The following SEMA3A variants were observed in gnomAD, a reference collection of about 807,000 sequenced individuals.
SEMA3A encodes the protein semaphorin-3A.
In SEMA3A, 29 loss-of-function variants were observed where a neutral mutation model predicts 97.9. That is an observed-to-expected ratio of 0.30 (90% CI 0.22 to 0.40). The LOEUF is 0.40. Ranked by LOEUF, SEMA3A falls within the 10% of genes least tolerant of loss-of-function variation. The pLI is 1.00. For missense variants in SEMA3A, 763 were observed against 951.3 expected (o/e 0.80, Z 2.60); for synonymous variants, 321 against 323.7 (o/e 0.99, Z 0.09).
intron 1 of SEMA3A, among the ~76,000 whole-genome samples, chr7:84,434,350 C>G (rs2116325865): frequency 6.6e-6 from 1 of 152,094 alleles, no homozygotes; most frequent in South Asian, 2.1e-4. Context: ...ATATTGAGTT[C>G]CAAAATTGAA....
intron 3 of SEMA3A, among the ~76,000 whole-genome samples, chr7:84,128,498 T>C (rs762363429): frequency 6.6e-6 from 1 of 152,184 alleles, no homozygotes; most frequent in Non-Finnish European, 1.5e-5. Context: ...AGTCACATTT[T>C]GTTAATTAGT....
At chr7:84,403,830 G>C (rs998223808) in intron 1 of SEMA3A, among the ~76,000 whole-genome samples, 1 of 152,084 alleles carries the variant, frequency 6.6e-6, no homozygotes, top group Admixed American at 6.6e-5. Context: ...TGCAGCTGAG[G>C]GTCCTGACTG....
chr7:84,078,236 T>C (rs1794021610), intron 4 of SEMA3A, among the ~76,000 whole-genome samples: 1 of 151,918 alleles, frequency 6.6e-6, no homozygotes, highest in Non-Finnish European at 1.5e-5. Context: ...GTGCATGGAG[T>C]GAATCTAGCC....
At chr7:84,018,546 TG>T (rs776955005) in intron 6 of SEMA3A, among the ~76,000 whole-genome samples, 2 of 152,050 alleles carry the variant, frequency 1.3e-5, no homozygotes, top group Non-Finnish European at 2.9e-5. Context: ...TAGAAAAAAA[TG>T]CCATGGGAGA....
chr7:84,255,799 AT>A (rs59945843), intron 3 of SEMA3A, among the ~76,000 whole-genome samples: 46 of 150,310 alleles, frequency 3.1e-4, no homozygotes, highest in Non-Finnish European at 4.3e-4. Flanking sequence ...CTCGGCACTG[AT>A]TTTTTTTTTC....
At chr7:84,018,929 A>AC (rs1791209176) in intron 6 of SEMA3A, among the ~76,000 whole-genome samples, 1 of 152,124 alleles carries the variant, frequency 6.6e-6, no homozygotes, top group Non-Finnish European at 1.5e-5. Context: ...CAAAAACAAA[A>AC]CAAAAAACAA....
intron 1 of SEMA3A, among the ~76,000 whole-genome samples, chr7:84,163,025 T>C (rs1797089662): frequency 6.6e-6 from 1 of 152,162 alleles, no homozygotes; most frequent in Non-Finnish European, 1.5e-5. Context: ...GTGTAATTGC[T>C]GGTAAGTCAA....
At chr7:84,183,099 T>C (rs570386229) in intron 1 of SEMA3A, among the ~76,000 whole-genome samples, 6 of 152,308 alleles carry the variant, frequency 3.9e-5, no homozygotes, top group East Asian at 3.9e-4. Context: ...ATATCTTCTA[T>C]GTATCAAGCA....
At chr7:84,426,305 TA>T (rs1459610663) in intron 1 of SEMA3A, among the ~76,000 whole-genome samples, 2 of 151,786 alleles carry the variant, frequency 1.3e-5, no homozygotes, top group African/African-American at 4.8e-5. Flanking sequence ...GATAGATAGA[TA>T]GATAGATAGA....
chr7:84,073,503 C>G lies in SEMA3A; in HGVS notation c.454-12945G>C, dbSNP rs186835320. ...TGAAGCTGGAAAATAAATGTGGGGG[C>G]CAAACTGTGGAGAGTTTTCTATGCC... On this transcript the variant is annotated intron_variant, in intron 4 of 16. Coordinates refer to ENST00000265362, the MANE Select transcript of SEMA3A (RefSeq NM_006080.3). Among the ~76,000 whole-genome samples the G allele has an allele frequency of 1.3e-3, 196 of 152,174 alleles. 1 individual carries two copies. Among genetic ancestry groups the G allele is most frequent in the African/African-American group, 4.6e-3 (189 of 41,520 alleles).
chr7:84,186,608 C>T (rs967575231), intron 1 of SEMA3A, among the ~76,000 whole-genome samples: 1 of 152,074 alleles, frequency 6.6e-6, no homozygotes, highest in Non-Finnish European at 1.5e-5. Flanking sequence ...AAATACATTT[C>T]TAAGAGTTTG....
intron 2 of SEMA3A, among the ~76,000 whole-genome samples, chr7:84,322,933 T>C (rs186439636): frequency 7.9e-5 from 12 of 152,182 alleles, no homozygotes; most frequent in African/African-American, 2.7e-4. Flanking sequence ...GTGTATTCAG[T>C]AGAGCCACAC....
rs141061701 is a variant in SEMA3A at position 84,173,230 on chromosome 7, T to C, written c.112+21245A>G. Among the ~76,000 whole-genome samples, 1,088 of 152,264 alleles carry C rather than the reference T, an allele frequency of 7.1e-3. 6 individuals carry two copies. Among genetic ancestry groups the C allele is most frequent in the African/African-American group, 0.019 (782 of 41,544 alleles). ...TATCCTTCCTAATCATTAAAAATAG[T>C]GAGAATCTTCTATTGAACCCTCTGA... On this transcript the variant is annotated intron_variant, in intron 1 of 16. Transcript: ENST00000265362.
chr7:84,108,878 C>G (rs1401794538), intron 4 of SEMA3A, among the ~76,000 whole-genome samples: 1 of 138,706 alleles, frequency 7.2e-6, no homozygotes, highest in Non-Finnish European at 1.5e-5. Flanking sequence ...GCACTCCAGC[C>G]TGGGCAACAG....
chr7:84,092,396 C>T (rs535016095), intron 4 of SEMA3A, among the ~76,000 whole-genome samples: 1 of 152,262 alleles, frequency 6.6e-6, no homozygotes, highest in East Asian at 1.9e-4. Context: ...TGCACTCTCA[C>T]TTTAAAACTC....
At chr7:83,993,316 T>C (rs1452038695) in intron 12 of SEMA3A, among the ~76,000 whole-genome samples, 3 of 146,254 alleles carry the variant, frequency 2.1e-5, no homozygotes, top group Admixed American at 6.9e-5. Context: ...TCCATTTACA[T>C]TTAAAGTTAA....
At chr7:84,333,463 A>G (rs942429235) in intron 2 of SEMA3A, among the ~76,000 whole-genome samples, 1 of 152,134 alleles carries the variant, frequency 6.6e-6, no homozygotes, top group South Asian at 2.1e-4. Context: ...AACTAAAACA[A>G]GCAAAGAAAC....
At chr7:84,402,793 T>C (rs1011246227) in intron 1 of SEMA3A, among the ~76,000 whole-genome samples, 13 of 152,322 alleles carry the variant, frequency 8.5e-5, no homozygotes, top group African/African-American at 3.1e-4. Flanking sequence ...GGGCATTATG[T>C]TAAGTGAAAT....
At chr7:84,034,014 T>G (rs2116471274) in intron 6 of SEMA3A, among the ~76,000 whole-genome samples, 1 of 152,056 alleles carries the variant, frequency 6.6e-6, no homozygotes, top group East Asian at 1.9e-4. Context: ...GGCAGAGTTT[T>G]ACTCTGTCAT....
Sources: allele counts gnomAD v4.1 joint callset (sites outside exome capture counted in the v4.1 genomes callset), GRCh38; gene constraint gnomAD v4.1.1; transcripts MANE v1.5; gene names NCBI Gene and HGNC (gene_info 2026-07-23, HGNC 2026-07-21).